The following DIXDC1 variants were observed in gnomAD, a reference collection of about 807,000 sequenced individuals.
The protein encoded by DIXDC1 is dixin.
In DIXDC1, 64 loss-of-function variants were observed where a neutral mutation model predicts 103.1. That is an observed-to-expected ratio of 0.62 (90% CI 0.51 to 0.76). DIXDC1 has a LOEUF of 0.76. Among genes scored for constraint, DIXDC1 ranks in the 30% least tolerant of loss-of-function variants. The pLI, the probability that DIXDC1 is intolerant of heterozygous loss-of-function variation, is 0.00. For synonymous variants in DIXDC1, 266 were observed against 298.5 expected, an observed-to-expected ratio of 0.89 and a Z score of 1.12; for missense variants, 759 against 834.2, an observed-to-expected ratio of 0.91 and a Z score of 1.11.
intron 3 of DIXDC1, 126 bp from the exon 4 acceptor site, chr11:111,973,897 T>C (rs1466812104): frequency 3.7e-6 from 3 of 806,830 alleles, no homozygotes; most frequent in African/African-American, 3.5e-5. Flanking sequence ...TTGTGAGGAC[T>C]GAGACCCTGA....
chr11:111,997,762 GTATT>G (rs1264871031), intron 17 of DIXDC1, among the ~76,000 whole-genome samples: 51 of 152,020 alleles, frequency 3.4e-4, no homozygotes, highest in African/African-American at 1.1e-3. Context: ...TGCATATATA[GTATT>G]TATTTAAAGT....
intron 6 of DIXDC1, among the ~76,000 whole-genome samples, chr11:111,981,073 G>C (rs1471993240): frequency 3.9e-5 from 6 of 152,332 alleles, no homozygotes; most frequent in Admixed American, 3.9e-4. Context: ...CAGCAGCATA[G>C]ATAGGCCCTT....
At chr11:111,947,412 C>G (rs1431964736) in intron 1 of DIXDC1, among the ~76,000 whole-genome samples, 2 of 152,212 alleles carry the variant, frequency 1.3e-5, no homozygotes, top group Non-Finnish European at 2.9e-5. Flanking sequence ...AGCAGAGCCA[C>G]TCAGGGCCCA....
At chr11:111,964,988 G>A (rs766734311) in intron 2 of DIXDC1, among the ~76,000 whole-genome samples, 35 of 152,064 alleles carry the variant, frequency 2.3e-4, no homozygotes, top group Non-Finnish European at 4.4e-4. Flanking sequence ...ACTCCAGTGG[G>A]GTAAGCACAG....
chr11:111,964,673 T>C lies in DIXDC1; in HGVS notation c.185T>C (p.Ile62Thr). 6.2e-7 allele frequency: 1 copy of C among 1,604,786 alleles called. No homozygotes were observed. Among genetic ancestry groups the C allele is most frequent in the East Asian group, 2.2e-5 (1 of 44,754 alleles). The change falls in exon 2 of 20, where the codon ATT becomes ACT. Residue 62 changes from isoleucine (I) to threonine (T), a missense_variant. By Grantham distance (89) the Ile-to-Thr change is moderately conservative (BLOSUM62 -1). This residue lies in a region of DIXDC1 where 97 missense variants were observed against 85.4 expected (regional missense o/e 1.14). Coordinates refer to ENST00000440460, the MANE Select transcript of DIXDC1 (RefSeq NM_001037954.4). ...DGVILAYLIE[I>T]VAGEKLSGVQ... ...GTGATCCTGGCATATCTCATCGAGA[T>C]TGTTGGTCAGTTGGCCCTGGACTCT...
chr11:112,012,851 G>T (rs959832153), intron 17 of DIXDC1, among the ~76,000 whole-genome samples: 1 of 152,090 alleles, frequency 6.6e-6, no homozygotes, highest in South Asian at 2.1e-4. Flanking sequence ...CATCTGAATC[G>T]ACTTTTCACT....
intron 1 of DIXDC1, among the ~76,000 whole-genome samples, chr11:111,951,699 A>G (rs1205088294): frequency 1.3e-5 from 2 of 152,132 alleles, no homozygotes; most frequent in Non-Finnish European, 2.9e-5. Flanking sequence ...TTCTCATGAT[A>G]GTGAATAAAC....
chr11:112,010,235 C>T (rs1265202387), intron 17 of DIXDC1, among the ~76,000 whole-genome samples: 9 of 152,138 alleles, frequency 5.9e-5, no homozygotes, highest in Admixed American at 1.3e-4. Context: ...ACCTAGGAAT[C>T]CAACTTACAA....
chr11:111,929,820 G>A (rs782176898), exon 2 of DIXDC1: 1 of 1,492,010 alleles, frequency 6.7e-7, no homozygotes, highest in South Asian at 1.3e-5. Flanking sequence ...TGTTTTAGAT[G>A]GCCCTGATTC....
upstream of DIXDC1, among the ~76,000 whole-genome samples, chr11:111,933,278 G>A (rs782795017): frequency 3.3e-5 from 5 of 151,968 alleles, no homozygotes; most frequent in Non-Finnish European, 7.4e-5. Flanking sequence ...ACAGGCATGC[G>A]CCACCATGCT....
At chr11:111,945,709 A>G (rs991623606) in intron 1 of DIXDC1, 2 of 152,174 alleles carry the variant, frequency 1.3e-5, no homozygotes, top group Non-Finnish European at 2.9e-5. Flanking sequence ...TGAATAAGGA[A>G]GGCACGCTTG....
At chr11:111,949,021 G>A (rs1463175012) in intron 1 of DIXDC1, among the ~76,000 whole-genome samples, 1 of 151,742 alleles carries the variant, frequency 6.6e-6, no homozygotes, top group Admixed American at 6.6e-5. Flanking sequence ...GCAACTGTGG[G>A]CATATTCCTC....
At chr11:112,018,889 TAGC>T in intron 19 of DIXDC1, 64 bp from the exon 20 acceptor site, 1 of 1,386,036 alleles carries the variant, frequency 7.2e-7, no homozygotes, top group East Asian at 2.3e-5. Flanking sequence ...TTATTTTTAT[TAGC>T]AGCAATTGTT....
At chr11:111,983,374 G>A (rs1458424172) in intron 7 of DIXDC1, among the ~76,000 whole-genome samples, 1 of 152,230 alleles carries the variant, frequency 6.6e-6, no homozygotes, top group Admixed American at 6.5e-5. Context: ...CTGTGGCAAA[G>A]CAATTTGCAT....
In DIXDC1 at chr11:111,989,028, A is replaced by G; in HGVS notation, c.1086A>G (p.Gln362=). 1 of 1,611,616 alleles carries G rather than the reference A, an allele frequency of 6.2e-7. No individual in the cohort carries two copies. The highest frequency in any genetic ancestry group is 8.5e-7 in the Non-Finnish European group (1 of 1,179,056). Residue 362 remains glutamine (Q), a synonymous_variant, in exon 10 of 20, where the codon CAA becomes CAG. Transcript: ENST00000440460. The part of the protein sequence containing the change: ...DLKKELLKCK[Q]EARNLQGIKD... ...AGAAGGAACTGCTGAAATGTAAACA[A>G]GAAGCCAGAAACTTACAGGGGATAA...
At chr11:111,961,337 A>C (rs767755370) in intron 1 of DIXDC1, among the ~76,000 whole-genome samples, 47 of 152,358 alleles carry the variant, frequency 3.1e-4, no homozygotes, top group East Asian at 9.6e-4. Context: ...TAGAGTGGAA[A>C]GAGCATTGGC....
chr11:111,961,023 C>T (rs782447260), intron 1 of DIXDC1, among the ~76,000 whole-genome samples: 25 of 152,150 alleles, frequency 1.6e-4, no homozygotes, highest in South Asian at 2.1e-4. Flanking sequence ...ATGGCAACAG[C>T]GGGCTGGGTC....
At position 112,022,532 on chromosome 11, in the gene DIXDC1, G is replaced by C. The variant is rs184770607; in HGVS notation, c.*3496G>C. On this transcript the variant is annotated 3_prime_UTR_variant, in exon 20 of 20. Coordinates refer to ENST00000440460, the MANE Select transcript of DIXDC1 (RefSeq NM_001037954.4). The surrounding 1 kb of genome is among the most constrained non-coding windows in gnomAD (Gnocchi z 4.9). Reference sequence around the variant, plus strand: ...AACTGCCGGTATGTACCAGATTTGTGAACTAATTTAAAAAACCACAAACTA... The same window carrying C: ...AACTGCCGGTATGTACCAGATTTGTCAACTAATTTAAAAAACCACAAACTA... 4.6e-5 allele frequency: 7 copies of C among 152,644 alleles called. No individual in the cohort carries two copies. Among genetic ancestry groups the C allele is most frequent in the Admixed American group, 4.6e-4 (7 of 15,290 alleles). 9.5% of individuals were successfully genotyped at this position (152,644 alleles called of 1,614,324 possible).
At position 111,984,860 on chromosome 11, in the gene DIXDC1, A is replaced by G. The variant is rs1011073044; in HGVS notation, c.919-372A>G. Among the ~76,000 whole-genome samples the G allele has an allele frequency of 9.2e-5, 14 of 152,356 alleles. No homozygotes were observed. The South Asian group carries it at 2.7e-3, about 29-fold the overall frequency. ...TAATTCATTATAATACTCATTTCTA[A>G]GCCGTGATGATTCTACACTGCTTTT... On this transcript the variant is annotated intron_variant, in intron 7 of 19. Transcript: ENST00000440460.
Sources: allele counts gnomAD v4.1 joint callset (sites outside exome capture counted in the v4.1 genomes callset), GRCh38; gene constraint gnomAD v4.1.1; regional missense constraint gnomAD v4.1.1; non-coding constraint Gnocchi (gnomAD v3.1); transcripts MANE v1.5; gene names NCBI Gene and HGNC (gene_info 2026-07-23, HGNC 2026-07-21).